The following ADCY9 variants were observed in gnomAD, a reference collection of about 807,000 sequenced individuals.
The protein encoded by ADCY9 is adenylate cyclase 9, also known as adenylate cyclase type 9.
In ADCY9, 50 loss-of-function variants were observed where a neutral mutation model predicts 101.5. That is an observed-to-expected ratio of 0.49 (90% confidence interval 0.39 to 0.62). The LOEUF (loss-of-function observed/expected upper bound fraction) is 0.62. ADCY9 is among the 20% of genes least tolerant of loss of function. The pLI is 0.00. For synonymous variants in ADCY9, 905 were observed against 769.3 expected, an observed-to-expected ratio of 1.18 and a Z score of -2.92; for missense variants, 1,662 against 1,800.4, an observed-to-expected ratio of 0.92 and a Z score of 1.39.
rs548009770 is a variant in ADCY9, at chr16:4,093,122, T to C, written c.1693+20628A>G. On this transcript the variant is annotated intron_variant, in intron 2 of 10. Coordinates refer to ENST00000294016, the MANE Select transcript of ADCY9 (RefSeq NM_001116.4). Reference sequence around the variant, plus strand: ...CATTTTTATGAAAGTGCTTTATCTATTTCAGAAACATAAAATCAAATGTTT... The same window carrying C: ...CATTTTTATGAAAGTGCTTTATCTACTTCAGAAACATAAAATCAAATGTTT... Among the ~76,000 whole-genome samples, 12 of 152,358 alleles carry C rather than the reference T, an allele frequency of 7.9e-5. No homozygotes were observed. In the East Asian group the frequency reaches 2.1e-3, roughly 27 times the overall value.
At chr16:4,103,916 C>G (rs951635243) in intron 2 of ADCY9, among the ~76,000 whole-genome samples, 1 of 152,198 alleles carries the variant, frequency 6.6e-6, no homozygotes, top group African/African-American at 2.4e-5. Context: ...GAGTAGGTGT[C>G]TTCTGAATAG....
intron 2 of ADCY9, among the ~76,000 whole-genome samples, chr16:4,100,749 A>AAG (rs1597226816): frequency 1.3e-5 from 2 of 151,696 alleles, no homozygotes; most frequent in East Asian, 3.9e-4. Flanking sequence ...GTCTCAAAAA[A>AAG]AAAAAAAAAG....
At chr16:4,042,767 G>A (rs768521933) in intron 2 of ADCY9, among the ~76,000 whole-genome samples, 1 of 152,234 alleles carries the variant, frequency 6.6e-6, no homozygotes, top group Admixed American at 6.5e-5. Flanking sequence ...TGTGTTCCAA[G>A]AGGTTTTTAT....
At chr16:3,988,848 T>C (rs2056220125) in intron 6 of ADCY9, 146 bp downstream of exon 6, 1 of 679,622 alleles carries the variant, frequency 1.5e-6, no homozygotes. Flanking sequence ...TCATGTACAG[T>C]TGCCACTTAG....
At chr16:4,025,550 A>T (rs889071261) in intron 2 of ADCY9, among the ~76,000 whole-genome samples, 1 of 152,142 alleles carries the variant, frequency 6.6e-6, no homozygotes, top group African/African-American at 2.4e-5. Flanking sequence ...TTGGTGTGCG[A>T]GTGTGTGCAA....
chr16:4,039,984 AC>A (rs1177762146), intron 2 of ADCY9, among the ~76,000 whole-genome samples: 1 of 152,226 alleles, frequency 6.6e-6, no homozygotes, highest in African/African-American at 2.4e-5. Flanking sequence ...GGCTGCGGTG[AC>A]CCATGATTGC....
intron 2 of ADCY9, among the ~76,000 whole-genome samples, chr16:4,045,532 T>C (rs2056656586): frequency 2.9e-5 from 4 of 139,434 alleles, no homozygotes; most frequent in South Asian, 2.3e-4. Flanking sequence ...GAGGCTGAGG[T>C]TGCAGTGAGC....
chr16:3,983,895 A>T (rs2056168252), intron 6 of ADCY9: 1 of 157,584 alleles, frequency 6.3e-6, no homozygotes, highest in African/African-American at 2.4e-5. Flanking sequence ...ACTGCACTCC[A>T]GCCTGGGCAA....
In ADCY9 at chr16:3,977,601, C is replaced by T. The variant is rs1345497389; in HGVS notation, c.2709G>A (p.Leu903=). The T allele has an allele frequency of 1.2e-6, 2 of 1,612,524 alleles. No individual in the cohort carries two copies. Among genetic ancestry groups the T allele is most frequent in the African/African-American group, 1.3e-5 (1 of 75,052 alleles). ...AGTTACAGTAGTGCACGACGGCAATCAGCGCGGCCGAGCCTGTGAACACTG... is the reference window on the plus strand; with the variant it reads ...AGTTACAGTAGTGCACGACGGCAATTAGCGCGGCCGAGCCTGTGAACACTG... ...HFPVFTGSAA[L]IAVVHYCNFC... is the part of the protein sequence containing the mutation. The change falls in exon 9 of 11, where the codon CTG becomes CTA. Residue 903 remains leucine, a synonymous_variant. Coordinates refer to ENST00000294016, the MANE Select transcript of ADCY9 (RefSeq NM_001116.4).
At chr16:4,083,195 G>A (rs139676047) in intron 2 of ADCY9, among the ~76,000 whole-genome samples, 2 of 152,200 alleles carry the variant, frequency 1.3e-5, no homozygotes, top group African/African-American at 4.8e-5. Flanking sequence ...TTAGGTTTTC[G>A]TTAACTCACA....
Position 3,979,204 on chromosome 16 carries a change from G to C in ADCY9, c.2591C>G (p.Pro864Arg). Residue 864 changes from proline (P) to arginine (R), a missense_variant, in exon 8 of 11, where the codon CCA (proline) becomes CGA (arginine). Pro to Arg is a moderately radical substitution (Grantham distance 103). Transcript: ENST00000294016. ...RLLEWIAGWL[P>R]RHCIGAILVS... ...CAGGATGGCCCCGATGCAGTGACGT[G>C]GTAGCCAGCCGGCGATCCACTCCAG... is the stretch of plus-strand genomic sequence containing the variant. The C allele has an allele frequency of 6.2e-7, 1 of 1,614,024 alleles. No individual in the cohort carries two copies. Among genetic ancestry groups the C allele is most frequent in the Non-Finnish European group, 8.5e-7 (1 of 1,180,028 alleles).
intron 2 of ADCY9, among the ~76,000 whole-genome samples, chr16:4,039,576 C>T (rs752598007): frequency 4.0e-5 from 6 of 150,136 alleles, no homozygotes; most frequent in South Asian, 4.2e-4. Flanking sequence ...CTACTCGGGA[C>T]GCTGAGATAG....
chr16:4,073,142 T>A (rs952473938), intron 2 of ADCY9, among the ~76,000 whole-genome samples: 4 of 152,200 alleles, frequency 2.6e-5, no homozygotes, highest in Admixed American at 2.6e-4. Flanking sequence ...TTGCCCAGGC[T>A]GGAATGCAGT....
intron 2 of ADCY9, among the ~76,000 whole-genome samples, chr16:4,083,065 C>T (rs2056915620): frequency 6.6e-6 from 1 of 152,214 alleles, no homozygotes; most frequent in South Asian, 2.1e-4. Context: ...AGATGAAAAG[C>T]ACCTGGGGTC....
At chr16:4,045,663 A>T (rs866630381) in intron 2 of ADCY9, among the ~76,000 whole-genome samples, 7 of 147,206 alleles carry the variant, frequency 4.8e-5, no homozygotes, top group African/African-American at 1.5e-4. Context: ...TCCATCCAAG[A>T]GGGGAAGATG....
intron 3 of ADCY9, among the ~76,000 whole-genome samples, chr16:4,003,296 A>T (rs2056343696): frequency 6.6e-6 from 1 of 152,082 alleles, no homozygotes; most frequent in Non-Finnish European, 1.5e-5. Flanking sequence ...TTCCCCAGAG[A>T]GTCAGTGACT....
Position 4,115,146 on chromosome 16 carries a change from G to C in ADCY9, c.297C>G (p.Asn99Lys), listed in dbSNP as rs757033157. ...AGCGCTCCAGGCAGGCCTCCTCCAG[G>C]TTCACCGAGTCGAACTTGGGGTCCC... ...RWWDPKFDSV[N>K]LEEACLERCF... The change falls in exon 2 of 11, where the codon AAC (asparagine) becomes AAG (lysine). Residue 99 changes from asparagine to lysine, a missense_variant. This residue lies in a region of ADCY9 where 422 missense variants were observed against 392.0 expected (regional missense o/e 1.08). Transcript: ENST00000294016. The surrounding 1 kb of genome is among the most constrained non-coding windows in gnomAD (Gnocchi z 6.2). The C allele has an allele frequency of 3.1e-6, 5 of 1,613,800 alleles. No homozygotes were observed. The highest frequency in any genetic ancestry group is 4.2e-6 in the Non-Finnish European group (5 of 1,180,016).
chr16:3,988,515 A>C (rs1171127462), intron 6 of ADCY9, among the ~76,000 whole-genome samples: 1 of 78,778 alleles, frequency 1.3e-5, no homozygotes, highest in African/African-American at 5.7e-5. Context: ...GTTCCCTTCC[A>C]GGGCAGGTGT....
chr16:4,077,502 G>A (rs1167327432), intron 2 of ADCY9, among the ~76,000 whole-genome samples: 1 of 151,910 alleles, frequency 6.6e-6, no homozygotes, highest in Non-Finnish European at 1.5e-5. Flanking sequence ...TCTTACAGCG[G>A]GAAAACACCC....
Sources: allele counts gnomAD v4.1 joint callset (sites outside exome capture counted in the v4.1 genomes callset), GRCh38; gene constraint gnomAD v4.1.1; regional missense constraint gnomAD v4.1.1; non-coding constraint Gnocchi (gnomAD v3.1); transcripts MANE v1.5; gene names NCBI Gene and HGNC (gene_info 2026-07-23, HGNC 2026-07-21).